ANKS1B: variants seen among roughly 807,000 people sequenced by gnomAD.
ANKS1B encodes ankyrin repeat and sterile alpha motif domain-containing protein 1B.
In ANKS1B, 36 loss-of-function variants were observed where a neutral mutation model predicts 148.3. That is an observed-to-expected ratio of 0.24 (90% confidence interval 0.19 to 0.32). The LOEUF (loss-of-function observed/expected upper bound fraction) is 0.32. Ranked by LOEUF, ANKS1B falls within the 10% of genes least tolerant of loss-of-function variation. The probability of loss-of-function intolerance (pLI) is 1.00; values close to 1 mark genes in which losing one functional copy is unlikely to be tolerated. For missense variants in ANKS1B, 1,157 were observed against 1,542.6 expected (o/e 0.75, Z 4.19); for synonymous variants, 542 against 560.8 (o/e 0.97, Z 0.47).
At chr12:99,649,726 A>G (rs2098405608) in intron 9 of ANKS1B, 2 of 239,850 alleles carry the variant, frequency 8.3e-6, no homozygotes, top group Non-Finnish European at 1.6e-5. Flanking sequence ...AGTAAGTGCT[A>G]CTGGCCTCTC....
chr12:98,856,464 A>G (rs1050543982), intron 17 of ANKS1B, among the ~76,000 whole-genome samples: 1 of 152,218 alleles, frequency 6.6e-6, no homozygotes, highest in Non-Finnish European at 1.5e-5. Flanking sequence ...TGGAGATAAT[A>G]CCAACTTCAT....
chr12:99,855,090 AC>A, intron 1 of ANKS1B, among the ~76,000 whole-genome samples: 1 of 152,302 alleles, frequency 6.6e-6, no homozygotes, highest in East Asian at 1.9e-4. Flanking sequence ...TAAATGTTCC[AC>A]TTAAAAGATA....
At chr12:99,407,104 A>G (rs2094548824) in intron 11 of ANKS1B, among the ~76,000 whole-genome samples, 1 of 145,862 alleles carries the variant, frequency 6.9e-6, no homozygotes, top group Admixed American at 6.8e-5. Context: ...AATATTCCTG[A>G]TGCATGTTGA....
chr12:99,572,243 T>C (rs1345439722), intron 9 of ANKS1B, among the ~76,000 whole-genome samples: 2 of 152,098 alleles, frequency 1.3e-5, no homozygotes, highest in Admixed American at 6.6e-5. Context: ...TTTTAAGCAA[T>C]TGGATTAATA....
intron 15 of ANKS1B, among the ~76,000 whole-genome samples, chr12:99,121,458 G>A (rs1481890349): frequency 6.6e-6 from 1 of 151,974 alleles, no homozygotes; most frequent in Non-Finnish European, 1.5e-5. Context: ...TAAGGTACTT[G>A]AGGTTTGATG....
chr12:99,144,774 G>A (rs1437107147), intron 15 of ANKS1B, among the ~76,000 whole-genome samples: 1 of 151,904 alleles, frequency 6.6e-6, no homozygotes, highest in Non-Finnish European at 1.5e-5. Context: ...AAATATGACT[G>A]GTGCATATTC....
intron 7 of ANKS1B, among the ~76,000 whole-genome samples, chr12:99,775,155 CAAAATAA>C (rs1192974498): frequency 6.6e-5 from 10 of 151,538 alleles, no homozygotes; most frequent in African/African-American, 2.4e-4. Context: ...GTGTTCTCTC[CAAAATAA>C]AAAATAAAAA....
intron 14 of ANKS1B, among the ~76,000 whole-genome samples, chr12:99,211,384 G>A (rs1225575640): frequency 6.6e-6 from 1 of 152,180 alleles, no homozygotes; most frequent in Non-Finnish European, 1.5e-5. Context: ...GGCAGGATTA[G>A]GAAGTCCCCT....
intron 17 of ANKS1B, among the ~76,000 whole-genome samples, chr12:98,965,959 AG>A (rs2099877483): frequency 6.6e-6 from 1 of 152,224 alleles, no homozygotes; most frequent in African/African-American, 2.4e-5. Context: ...AAGAAAACCT[AG>A]GCAATACTAT....
chr12:98,981,428 T>C (rs1003475164), intron 17 of ANKS1B, among the ~76,000 whole-genome samples: 2 of 152,054 alleles, frequency 1.3e-5, no homozygotes, highest in African/African-American at 4.8e-5. Context: ...ATCCGCCTCC[T>C]GGGTTCAAGG....
rs141752602 is a variant in ANKS1B at position 99,421,658 on chromosome 12, G to C, written c.1576-21847C>G. 2.8e-3 allele frequency among the ~76,000 whole-genome samples: 422 copies of C among 152,320 alleles called. 4 individuals are homozygous for C. Among genetic ancestry groups the C allele is most frequent in the African/African-American group, 9.7e-3 (402 of 41,580 alleles). On this transcript the variant is annotated intron_variant, in intron 11 of 26. Coordinates refer to ENST00000683438, the MANE Select transcript of ANKS1B (RefSeq NM_001352186.2). The stretch of plus-strand genomic sequence containing the variant: ...GAGCAGAAAGTTAAGAGGCTGTTAG[G>C]AGCTTGAAGAGGAAACATCAGACTT...
chr12:99,950,129 T>A (rs1261564669), intron 1 of ANKS1B, among the ~76,000 whole-genome samples: 1 of 147,298 alleles, frequency 6.8e-6, no homozygotes, highest in South Asian at 2.2e-4. Flanking sequence ...TTTTTTTTTT[T>A]TTTTTTTTTT....
chr12:99,705,515 T>C (rs1442609910), intron 8 of ANKS1B, among the ~76,000 whole-genome samples: 5 of 152,210 alleles, frequency 3.3e-5, no homozygotes, highest in Non-Finnish European at 7.4e-5. Context: ...ATAGTGACAA[T>C]GGCATCTAGA....
chr12:99,235,425 T>A (rs1488396635), intron 14 of ANKS1B, among the ~76,000 whole-genome samples: 2 of 152,162 alleles, frequency 1.3e-5, no homozygotes, highest in African/African-American at 4.8e-5. Context: ...AGCCACTCTA[T>A]CTTTGAATAA....
At chr12:99,294,210 C>CAGAT (rs1464775261) in intron 12 of ANKS1B, among the ~76,000 whole-genome samples, 1 of 152,144 alleles carries the variant, frequency 6.6e-6, no homozygotes, top group African/African-American at 2.4e-5. Flanking sequence ...GTATATAAGA[C>CAGAT]AGATATCTGC....
At chr12:99,358,733 A>T (rs1593029970) in intron 12 of ANKS1B, among the ~76,000 whole-genome samples, 2 of 152,186 alleles carry the variant, frequency 1.3e-5, no homozygotes, top group South Asian at 4.1e-4. Context: ...TCCATCACAC[A>T]TCATCCAAAC....
intron 15 of ANKS1B, among the ~76,000 whole-genome samples, chr12:99,139,733 G>A (rs897983759): frequency 6.6e-6 from 1 of 151,828 alleles, no homozygotes; most frequent in African/African-American, 2.4e-5. Flanking sequence ...GGATCTTTAA[G>A]CAGATGCTGT....
chr12:99,269,232 T>C (rs112578135), intron 12 of ANKS1B, among the ~76,000 whole-genome samples: 1 of 152,244 alleles, frequency 6.6e-6, no homozygotes, highest in Non-Finnish European at 1.5e-5. Flanking sequence ...GTTTTCGTTT[T>C]ATATCAAGCA....
At chr12:99,168,773 G>T (rs1452484961) in intron 14 of ANKS1B, among the ~76,000 whole-genome samples, 1 of 152,060 alleles carries the variant, frequency 6.6e-6, no homozygotes, top group African/African-American at 2.4e-5. Context: ...TCCTGAGGGG[G>T]TGAAACTCAG....
Sources: allele counts gnomAD v4.1 joint callset (sites outside exome capture counted in the v4.1 genomes callset), GRCh38; gene constraint gnomAD v4.1.1; transcripts MANE v1.5; gene names NCBI Gene and HGNC (gene_info 2026-07-23, HGNC 2026-07-21).